The following FNDC3B variants were observed in gnomAD, a reference collection of about 807,000 sequenced individuals.
FNDC3B encodes the protein fibronectin type III domain-containing protein 3B.
Under a neutral mutation model 151.5 loss-of-function variants are expected in FNDC3B, and 12 were observed. The observed-to-expected ratio is 0.08, with a 90% CI of 0.05 to 0.13. FNDC3B has a LOEUF of 0.13. Ranked by LOEUF, FNDC3B falls within the 10% of genes least tolerant of loss-of-function variation. The pLI is 1.00. For missense variants in FNDC3B, 1,214 were observed against 1,505.3 expected, an observed-to-expected ratio of 0.81 and a Z score of 3.20; for synonymous variants, 528 against 549.0, an observed-to-expected ratio of 0.96 and a Z score of 0.54.
At chr3:172,370,802 G>A (rs1273538541) in intron 23 of FNDC3B, among the ~76,000 whole-genome samples, 2 of 152,046 alleles carry the variant, frequency 1.3e-5, no homozygotes, top group Admixed American at 6.5e-5. Flanking sequence ...TTATTTTTTA[G>A]AGCAGTTTTA....
chr3:172,053,191 G>A (rs957157796), intron 1 of FNDC3B, among the ~76,000 whole-genome samples: 1 of 152,116 alleles, frequency 6.6e-6, no homozygotes, highest in African/African-American at 2.4e-5. Flanking sequence ...GGTGTTTCTA[G>A]TGTCCACCGC....
intron 1 of FNDC3B, among the ~76,000 whole-genome samples, chr3:172,078,762 C>T (rs906783194): frequency 1.3e-5 from 2 of 152,220 alleles, no homozygotes; most frequent in Admixed American, 1.3e-4. Context: ...TGCCCGCTGC[C>T]ACCCAGGTGT....
At chr3:172,342,036 A>C (rs528091726) in intron 17 of FNDC3B, among the ~76,000 whole-genome samples, 4 of 152,378 alleles carry the variant, frequency 2.6e-5, no homozygotes, top group Non-Finnish European at 5.9e-5. Context: ...TTTAAAATGA[A>C]AGAGAAGGAG....
chr3:172,238,251 G>T (rs1727270218), intron 4 of FNDC3B, among the ~76,000 whole-genome samples: 1 of 152,124 alleles, frequency 6.6e-6, no homozygotes, highest in African/African-American at 2.4e-5. Flanking sequence ...GACCTCCCTT[G>T]CTCAAGTGAT....
At chr3:172,045,800 A>ATG (rs1454041692) in intron 1 of FNDC3B, among the ~76,000 whole-genome samples, 1 of 151,734 alleles carries the variant, frequency 6.6e-6, no homozygotes, top group East Asian at 1.9e-4. Context: ...CTCTCTATAT[A>ATG]TATATATACA....
chr3:172,175,394 G>T (rs1723531008), intron 3 of FNDC3B, among the ~76,000 whole-genome samples: 1 of 152,104 alleles, frequency 6.6e-6, no homozygotes, highest in Non-Finnish European at 1.5e-5. Context: ...GGATGGGCGG[G>T]TGGTGGGGGA....
At chr3:172,044,294 T>G (rs114340187) in intron 1 of FNDC3B, among the ~76,000 whole-genome samples, 6,101 of 147,550 alleles carry the variant, frequency 0.041, 191 homozygotes, top group Non-Finnish European at 0.063. Context: ...TTTTTTTTTT[T>G]TTTTTTTTGG....
intron 1 of FNDC3B, among the ~76,000 whole-genome samples, chr3:172,064,902 G>T (rs1282953540): frequency 2.0e-5 from 3 of 152,126 alleles, no homozygotes; most frequent in Non-Finnish European, 4.4e-5. Flanking sequence ...TAGTCAGTGG[G>T]GTTTAAAAAC....
At chr3:172,087,857 T>G (rs1230384783) in intron 1 of FNDC3B, among the ~76,000 whole-genome samples, 1 of 152,228 alleles carries the variant, frequency 6.6e-6, no homozygotes, top group Non-Finnish European at 1.5e-5. Flanking sequence ...ATTGAGAATT[T>G]GAGAGCCCTA....
intron 25 of FNDC3B, among the ~76,000 whole-genome samples, chr3:172,390,946 C>T (rs146305486): frequency 2.3e-3 from 355 of 152,178 alleles, no homozygotes; most frequent in South Asian, 6.8e-3. Flanking sequence ...GAGTTAGCAG[C>T]GAGCTATGGG....
At chr3:172,104,579 A>G (rs531987678) in intron 1 of FNDC3B, among the ~76,000 whole-genome samples, 1 of 152,322 alleles carries the variant, frequency 6.6e-6, no homozygotes, top group Non-Finnish European at 1.5e-5. Context: ...AAGCACTAAA[A>G]CAACCTCTAG....
In FNDC3B at chr3:172,300,003, T is replaced by C. The variant is rs183062292; in HGVS notation, c.1061+1216T>C. ...TATATCAGAGTAAGTTGTTTTGTTT[T>C]AAGGCATAAAGTGCACATCTGCTCA... On this transcript the variant is annotated intron_variant, in intron 9 of 25. Coordinates refer to ENST00000415807, the MANE Select transcript of FNDC3B (RefSeq NM_022763.4). 2.0e-3 allele frequency among the ~76,000 whole-genome samples: 307 copies of C among 152,368 alleles called. 1 individual carries two copies. Among genetic ancestry groups the C allele is most frequent in the Non-Finnish European group, 3.3e-3 (222 of 68,036 alleles).
chr3:172,239,263 A>G (rs1193804533), intron 4 of FNDC3B, among the ~76,000 whole-genome samples: 1 of 152,096 alleles, frequency 6.6e-6, no homozygotes, highest in Admixed American at 6.6e-5. Context: ...GATTCTGCCT[A>G]CCCATCCCCT....
At chr3:172,166,915 T>C (rs1247837914) in intron 3 of FNDC3B, among the ~76,000 whole-genome samples, 1 of 152,180 alleles carries the variant, frequency 6.6e-6, no homozygotes, top group African/African-American at 2.4e-5. Flanking sequence ...AAAATATTGT[T>C]GTCATTTGCT....
At chr3:172,112,972 G>A (rs1720050680) in intron 2 of FNDC3B, among the ~76,000 whole-genome samples, 1 of 152,194 alleles carries the variant, frequency 6.6e-6, no homozygotes, top group Admixed American at 6.5e-5. Flanking sequence ...ATCTCGACAA[G>A]ACACGTAGGG....
intron 13 of FNDC3B, among the ~76,000 whole-genome samples, chr3:172,331,688 G>A (rs766445298): frequency 1.8e-4 from 28 of 151,954 alleles, no homozygotes; most frequent in African/African-American, 4.4e-4. Flanking sequence ...TAAACACACC[G>A]TGTGTGCTGT....
At chr3:172,120,148 C>T (rs376242153) in intron 2 of FNDC3B, among the ~76,000 whole-genome samples, 1 of 152,280 alleles carries the variant, frequency 6.6e-6, no homozygotes, top group African/African-American at 2.4e-5. Flanking sequence ...ATTATGGCAG[C>T]TCTGAGCTGT....
intron 3 of FNDC3B, among the ~76,000 whole-genome samples, chr3:172,136,246 G>T (rs1168466714): frequency 6.6e-6 from 1 of 152,224 alleles, no homozygotes. Flanking sequence ...TAGATACCCA[G>T]AATGAGACAG....
At chr3:172,367,501 C>G (rs994205580) in intron 23 of FNDC3B, among the ~76,000 whole-genome samples, 2 of 152,134 alleles carry the variant, frequency 1.3e-5, no homozygotes, top group South Asian at 2.1e-4. Flanking sequence ...TCTTTGGTTC[C>G]CGTGTTATAC....
Sources: allele counts gnomAD v4.1 joint callset (sites outside exome capture counted in the v4.1 genomes callset), GRCh38; gene constraint gnomAD v4.1.1; transcripts MANE v1.5; gene names NCBI Gene and HGNC (gene_info 2026-07-23, HGNC 2026-07-21).